CNTN4: variants seen among roughly 807,000 people sequenced by gnomAD.
CNTN4 encodes contactin-4.
A neutral mutation model predicts 122.5 loss-of-function variants in CNTN4; 77 were observed. The ratio of observed to expected loss-of-function variants is 0.63; its 90% CI spans 0.52 to 0.76. The LOEUF (loss-of-function observed/expected upper bound fraction) is 0.76. Among genes scored for constraint, CNTN4 ranks in the 30% least tolerant of loss-of-function variants. The pLI, the probability that CNTN4 is intolerant of heterozygous loss-of-function variation, is 0.00. For synonymous variants in CNTN4, 512 were observed against 447.0 expected (o/e 1.15, Z -1.83); for missense variants, 1,256 against 1,259.1 (o/e 1.00, Z 0.04).
At chr3:2,863,854 T>A (rs888773788) in intron 7 of CNTN4, among the ~76,000 whole-genome samples, 1 of 152,182 alleles carries the variant, frequency 6.6e-6, no homozygotes, top group African/African-American at 2.4e-5. Flanking sequence ...TCAAAGTAAT[T>A]TGATCATGTA....
At chr3:2,521,897 C>T (rs901982141) in intron 3 of CNTN4, among the ~76,000 whole-genome samples, 7 of 152,004 alleles carry the variant, frequency 4.6e-5, no homozygotes, top group South Asian at 4.2e-4. Flanking sequence ...TCATCAGAGG[C>T]GCAAAAGTAA....
chr3:2,593,615 G>A (rs2080610297), intron 4 of CNTN4, among the ~76,000 whole-genome samples: 1 of 152,328 alleles, frequency 6.6e-6, no homozygotes, highest in Non-Finnish European at 1.5e-5. Context: ...TCATATTTTG[G>A]ATGGGCAGAT....
intron 12 of CNTN4, among the ~76,000 whole-genome samples, chr3:2,916,648 C>T (rs1408342482): frequency 8.1e-6 from 1 of 123,432 alleles, no homozygotes; most frequent in Non-Finnish European, 1.7e-5. Context: ...CCTTTCCCCA[C>T]ACTTCCCCCC....
chr3:3,038,627 A>G (rs1699850218), intron 18 of CNTN4, among the ~76,000 whole-genome samples: 1 of 152,234 alleles, frequency 6.6e-6, no homozygotes, highest in Non-Finnish European at 1.5e-5. Flanking sequence ...ACCAGACTTC[A>G]GTCCTTTCCT....
At chr3:2,655,175 G>A (rs2083531305) in intron 4 of CNTN4, among the ~76,000 whole-genome samples, 1 of 152,098 alleles carries the variant, frequency 6.6e-6, no homozygotes, top group Non-Finnish European at 1.5e-5. Context: ...CCTCCCTCCA[G>A]TGTGATACAG....
chr3:2,781,736 T>TA (rs1367991003), intron 6 of CNTN4, among the ~76,000 whole-genome samples: 1 of 140,618 alleles, frequency 7.1e-6, no homozygotes, highest in Non-Finnish European at 1.5e-5. Context: ...TTTTTTTTTT[T>TA]TTTTTTGAGA....
chr3:2,139,269 G>A (rs2034866811), intron 2 of CNTN4, among the ~76,000 whole-genome samples: 1 of 152,096 alleles, frequency 6.6e-6, no homozygotes, highest in Non-Finnish European at 1.5e-5. Context: ...TGAAACAAAT[G>A]AATAAGAATT....
At chr3:2,099,041 C>G (rs1348746261) in intron 1 of CNTN4, 63 bp downstream of exon 1, 2 of 152,510 alleles carry the variant, frequency 1.3e-5, no homozygotes, top group African/African-American at 2.4e-5. Flanking sequence ...CCCGGGGACG[C>G]GGTCGCGGGT....
intron 10 of CNTN4, among the ~76,000 whole-genome samples, chr3:2,900,023 T>C (rs2094156069): frequency 6.6e-6 from 1 of 152,198 alleles, no homozygotes; most frequent in Admixed American, 6.5e-5. Context: ...CTCTCTCACA[T>C]TATTTTCCTC....
At chr3:2,125,434 G>A (rs1200958089) in intron 2 of CNTN4, among the ~76,000 whole-genome samples, 1 of 151,314 alleles carries the variant, frequency 6.6e-6, no homozygotes, top group Non-Finnish European at 1.5e-5. Context: ...CTTGACTACC[G>A]TGAATTAAGT....
chr3:2,126,891 C>A (rs1378580927), intron 2 of CNTN4, among the ~76,000 whole-genome samples: 1 of 152,066 alleles, frequency 6.6e-6, no homozygotes, highest in East Asian at 1.9e-4. Context: ...GATGTGAATT[C>A]TGGGAAAGCT....
chr3:2,583,005 G>C (rs1029809499), intron 4 of CNTN4, among the ~76,000 whole-genome samples: 2 of 151,876 alleles, frequency 1.3e-5, no homozygotes, highest in African/African-American at 2.4e-5. Context: ...ATGTTGCTTG[G>C]GCTGCATAAG....
At chr3:2,146,337 G>A (rs181652979) in intron 2 of CNTN4, among the ~76,000 whole-genome samples, 155 of 151,018 alleles carry the variant, frequency 1.0e-3, no homozygotes, top group African/African-American at 3.7e-3. Context: ...TATTTCTAAA[G>A]GTAACCTGAG....
At chr3:2,766,836 A>G (rs1212736695) in intron 6 of CNTN4, among the ~76,000 whole-genome samples, 1 of 152,216 alleles carries the variant, frequency 6.6e-6, no homozygotes, top group Non-Finnish European at 1.5e-5. Flanking sequence ...TCTCTTTTAT[A>G]TTGAGAACAC....
intron 3 of CNTN4, among the ~76,000 whole-genome samples, chr3:2,442,574 C>CA (rs2048480314): frequency 6.6e-6 from 1 of 150,464 alleles, no homozygotes; most frequent in Admixed American, 6.8e-5. Context: ...TCGTTAACCC[C>CA]CATCCCTAAC....
intron 3 of CNTN4, among the ~76,000 whole-genome samples, chr3:2,340,705 A>AGAGAGAGAGAGAGGGG (rs1210986669): frequency 1.6e-5 from 1 of 63,722 alleles, no homozygotes; most frequent in East Asian, 4.2e-4. Flanking sequence ...ATATATATAT[A>AGAGAGAGAGAGAGGGG]TATATAGAGA....
At chr3:2,165,780 G>A (rs373552065) in intron 2 of CNTN4, among the ~76,000 whole-genome samples, 4 of 151,990 alleles carry the variant, frequency 2.6e-5, no homozygotes, top group East Asian at 3.9e-4. Context: ...GTGAGATCAC[G>A]CAGTATTTTT....
At chr3:2,981,166 C>T (rs570573034) in intron 13 of CNTN4, among the ~76,000 whole-genome samples, 14 of 152,130 alleles carry the variant, frequency 9.2e-5, no homozygotes, top group East Asian at 5.8e-4. Flanking sequence ...AAACCTGGGC[C>T]GGGCGCGGTG....
Position 2,337,456 on chromosome 3 carries a change from A to G in CNTN4, c.-144-1722A>G, listed in dbSNP as rs531165590. On this transcript the variant is annotated intron_variant, in intron 2 of 24. Coordinates refer to ENST00000418658, the MANE Select transcript of CNTN4 (RefSeq NM_175607.3). The stretch of plus-strand genomic sequence containing the variant: ...ATACTATAACTAGTGGCTAAACTGA[A>G]TAGCTAGTCTGCATTATGTAATTTA... 5.3e-5 allele frequency among the ~76,000 whole-genome samples: 8 copies of G among 152,228 alleles called. No individual in the cohort carries two copies. The South Asian group carries it at 1.7e-3, about 32-fold the overall frequency.
Sources: allele counts gnomAD v4.1 joint callset (sites outside exome capture counted in the v4.1 genomes callset), GRCh38; gene constraint gnomAD v4.1.1; transcripts MANE v1.5; gene names NCBI Gene and HGNC (gene_info 2026-07-23, HGNC 2026-07-21).